The following NRDC variants were observed in gnomAD, a reference collection of about 807,000 sequenced individuals.
NRDC encodes the protein nardilysin.
Under a neutral mutation model 147.1 loss-of-function variants are expected in NRDC, and 54 were observed. The ratio of observed to expected loss-of-function variants is 0.37; its 90% CI spans 0.29 to 0.46. NRDC has a LOEUF of 0.46. Among genes scored for constraint, NRDC ranks in the 20% least tolerant of loss-of-function variants. The pLI is 1.00. For synonymous variants in NRDC, 440 were observed against 482.1 expected (o/e 0.91, Z 1.14); for missense variants, 1,082 against 1,370.6 (o/e 0.79, Z 3.33).
chr1:51,811,869 C>A, intron 15 of NRDC, 125 bp downstream of exon 15: 1 of 565,952 alleles, frequency 1.8e-6, no homozygotes, highest in Non-Finnish European at 3.1e-6. Context: ...TCTGTTTAAA[C>A]AAACAAAAAT....
chr1:51,877,919 C>T, intron 1 of NRDC: 1 of 719,270 alleles, frequency 1.4e-6, no homozygotes, highest in Non-Finnish European at 1.8e-6. Flanking sequence ...ATATCCTGTC[C>T]TCCAAATTAA....
intron 1 of NRDC, among the ~76,000 whole-genome samples, chr1:51,857,620 G>A (rs530324533): frequency 6.6e-6 from 1 of 152,282 alleles, no homozygotes; most frequent in South Asian, 2.1e-4. Flanking sequence ...ATTTCTGTTT[G>A]GAACCGAGTT....
chr1:51,800,023 G>C (rs1679117886), intron 21 of NRDC, among the ~76,000 whole-genome samples: 1 of 152,166 alleles, frequency 6.6e-6, no homozygotes, highest in Admixed American at 6.5e-5. Flanking sequence ...CATGCAGGTT[G>C]GTGTGCGGTG....
At position 51,820,590 on chromosome 1, in the gene NRDC, CCA is replaced by C. The variant is rs543645882; in HGVS notation, c.1218-719_1218-718del. ...AGACTTCTAATCAGAAAAAACAGCC[CCA>C]CAAATTTGTCATGCTCTTGATTACC... On this transcript the variant is annotated intron_variant, in intron 8 of 30. Coordinates refer to ENST00000352171, the MANE Select transcript of NRDC (RefSeq NM_001101662.2). Among the ~76,000 whole-genome samples, 7 of 152,074 alleles carry C rather than the reference CCA, an allele frequency of 4.6e-5. No individual in the cohort carries two copies. The South Asian group carries it at 1.5e-3, about 32-fold the overall frequency.
intron 22 of NRDC, among the ~76,000 whole-genome samples, chr1:51,795,937 G>A (rs557728370): frequency 8.6e-5 from 13 of 151,632 alleles, no homozygotes; most frequent in African/African-American, 2.9e-4. Flanking sequence ...CTGGAGGGCA[G>A]TGGCATGACC....
chr1:51,852,832 G>A (rs1048108131), intron 1 of NRDC, among the ~76,000 whole-genome samples: 1 of 151,986 alleles, frequency 6.6e-6, no homozygotes, highest in African/African-American at 2.4e-5. Flanking sequence ...ACAAAGACAG[G>A]TAACCTATAG....
chr1:51,812,320 T>C (rs528726488), intron 14 of NRDC, among the ~76,000 whole-genome samples: 1 of 152,242 alleles, frequency 6.6e-6, no homozygotes, highest in South Asian at 2.1e-4. Flanking sequence ...GGTGGTTAGA[T>C]TACTTGAGAC....
chr1:51,846,706 A>T (rs1254042505), intron 1 of NRDC, among the ~76,000 whole-genome samples: 11 of 152,248 alleles, frequency 7.2e-5, no homozygotes, highest in Non-Finnish European at 1.3e-4. Flanking sequence ...AACAAGATTT[A>T]TCGCCAACAG....
At chr1:51,811,572 T>G (rs2149201093) in intron 15 of NRDC, among the ~76,000 whole-genome samples, 1 of 152,334 alleles carries the variant, frequency 6.6e-6, no homozygotes, top group African/African-American at 2.4e-5. Context: ...AGTCATATGT[T>G]TCTAATTCGG....
intron 18 of NRDC, among the ~76,000 whole-genome samples, chr1:51,806,588 C>T (rs146401777): frequency 6.6e-6 from 1 of 152,266 alleles, no homozygotes; most frequent in East Asian, 1.9e-4. Context: ...AAGCAAGTTA[C>T]AGCAAAGTGG....
rs778435530 is a variant in NRDC, at chr1:51,878,375, G to A, written c.241C>T (p.Leu81=). Residue 81 remains leucine (L), a synonymous_variant, in exon 1 of 31, where the codon CTA becomes TTA. Transcript: ENST00000352171. ...DLGENSRVAR[L]GADESEEEGR... ...TCTTCCTCAGATTCATCCGCTCCTA[G>A]ACGGGCAACCCGGCTGTTCTCGCCC... is the stretch of plus-strand genomic sequence containing the variant. 9.3e-6 allele frequency: 15 copies of A among 1,614,170 alleles called. No individual in the cohort carries two copies. The highest frequency in any genetic ancestry group is 1.3e-5 in the African/African-American group (1 of 75,042).
intron 22 of NRDC, chr1:51,795,259 T>C: frequency 1.6e-6 from 2 of 1,229,496 alleles, no homozygotes; most frequent in Non-Finnish European, 2.1e-6. Context: ...TACATCCTCT[T>C]CCCTTCTTAA....
At chr1:51,816,441 C>A (rs1679970841) in intron 10 of NRDC, 52 bp from the exon 11 acceptor site, 1 of 1,005,848 alleles carries the variant, frequency 9.9e-7, no homozygotes, top group South Asian at 2.0e-5. Context: ...TATAAATACA[C>A]CAGAAAATCT....
At chr1:51,826,485 C>T (rs1680452004) in intron 5 of NRDC, among the ~76,000 whole-genome samples, 1 of 152,136 alleles carries the variant, frequency 6.6e-6, no homozygotes. Context: ...ATAGAGACTG[C>T]ACTTTGACAC....
At chr1:51,817,875 A>G (rs934909255) in intron 10 of NRDC, among the ~76,000 whole-genome samples, 191 bp downstream of exon 10, 2 of 152,248 alleles carry the variant, frequency 1.3e-5, no homozygotes, top group Non-Finnish European at 2.9e-5. Flanking sequence ...TAACTGAGAA[A>G]GCTCTAGTTT....
intron 1 of NRDC, among the ~76,000 whole-genome samples, chr1:51,846,665 A>G (rs367745557): frequency 2.6e-4 from 39 of 152,338 alleles, no homozygotes; most frequent in Admixed American, 2.4e-3. Flanking sequence ...TATAGCTCAT[A>G]AAGGTAGTGA....
At chr1:51,870,249 A>G (rs147090729) in intron 1 of NRDC, among the ~76,000 whole-genome samples, 103 of 152,384 alleles carry the variant, frequency 6.8e-4, no homozygotes, top group African/African-American at 2.3e-3. Context: ...TTTAAAGTGA[A>G]TTAAGTGGAA....
chr1:51,814,450 G>GA, intron 13 of NRDC, 101 bp downstream of exon 13: 1 of 1,169,696 alleles, frequency 8.5e-7, no homozygotes, highest in Non-Finnish European at 1.2e-6. Context: ...GAAAATGCCT[G>GA]AAAAACCATC....
At chr1:51,820,723 G>A (rs561362209) in intron 8 of NRDC, among the ~76,000 whole-genome samples, 1 of 151,924 alleles carries the variant, frequency 6.6e-6, no homozygotes, top group East Asian at 1.9e-4. Context: ...ATTTTATGCT[G>A]GTTTCTAATT....
Sources: gnomAD v4.1 joint callset for allele counts (sites outside exome capture counted in the v4.1 genomes callset) on GRCh38, gnomAD v4.1.1 for gene constraint, MANE v1.5 for transcripts, NCBI Gene and HGNC (gene_info 2026-07-23, HGNC 2026-07-21) for gene names.